The following ME1 variants were observed in gnomAD, a reference collection of about 807,000 sequenced individuals.
ME1 encodes NADP-dependent malic enzyme.
ME1 carries 74 observed loss-of-function variants against 66.4 expected under a neutral mutation model. The observed-to-expected ratio is 1.11, with a 90% CI of 0.92 to 1.35. ME1 has a LOEUF of 1.35. ME1 is among the 40% of genes most tolerant of loss of function. The probability of loss-of-function intolerance (pLI) is 0.00; values close to 1 mark genes in which losing one functional copy is unlikely to be tolerated. For missense variants in ME1, 750 were observed against 694.1 expected (o/e 1.08, Z -0.90); for synonymous variants, 251 against 235.6 (o/e 1.07, Z -0.60).
intron 6 of ME1, among the ~76,000 whole-genome samples, chr6:83,299,151 T>C (rs551716188): frequency 6.6e-6 from 1 of 152,010 alleles, no homozygotes; most frequent in South Asian, 2.1e-4. Flanking sequence ...AATGGTAGTT[T>C]AATGGAAATA....
At chr6:83,372,824 T>TA (rs1769215388) in intron 3 of ME1, among the ~76,000 whole-genome samples, 1 of 152,220 alleles carries the variant, frequency 6.6e-6, no homozygotes, top group Admixed American at 6.5e-5. Flanking sequence ...AAAAGAACCA[T>TA]ATGTTGAAAA....
intron 1 of ME1, among the ~76,000 whole-genome samples, chr6:83,421,702 T>C (rs935157154): frequency 1.3e-5 from 2 of 152,306 alleles, no homozygotes; most frequent in Non-Finnish European, 1.5e-5. Flanking sequence ...AGAAGCCTTA[T>C]CTTTCTGGTC....
At chr6:83,355,113 C>A (rs953425526) in intron 3 of ME1, among the ~76,000 whole-genome samples, 5 of 152,010 alleles carry the variant, frequency 3.3e-5, no homozygotes, top group Non-Finnish European at 7.4e-5. Flanking sequence ...GTATATATTT[C>A]TTTTGGATCC....
rs754296141 is a variant in ME1 at position 83,237,276 on chromosome 6, A to AAAGAAAGAAAGAAAGAAAGG, written c.1026+440_1026+441insCCTTTCTTTCTTTCTTTCTT. 4.1e-3 allele frequency among the ~76,000 whole-genome samples: 302 copies of AAAGAAAGAAAGAAAGAAAGG among 73,644 alleles called. 26 individuals carry two copies. The highest frequency in any genetic ancestry group is 0.011 in the African/African-American group (187 of 16,856). The allele number at this position is 73,644 out of a possible 152,430, so 48.3% of individuals were successfully genotyped here. On this transcript the variant is annotated intron_variant, in intron 9 of 13. Coordinates refer to ENST00000369705, the MANE Select transcript of ME1 (RefSeq NM_002395.6). ...GAAAGAAAGAAAGAAAGAAAGAAAGAAAGGAAGGAAGGAAGGAAAGAAAGA... is the reference window on the plus strand; with the variant it reads ...GAAAGAAAGAAAGAAAGAAAGAAAGAAAGAAAGAAAGAAAGAAAGGAAGGAAGGAAGGAAGGAAAGAAAGA...
At chr6:83,293,289 C>T (rs967276194) in intron 6 of ME1, among the ~76,000 whole-genome samples, 5 of 152,134 alleles carry the variant, frequency 3.3e-5, no homozygotes, top group Non-Finnish European at 5.9e-5. Context: ...TGACCTCCAT[C>T]ATAATCATTT....
intron 3 of ME1, among the ~76,000 whole-genome samples, chr6:83,375,447 TC>T (rs1258038478): frequency 1.3e-5 from 2 of 152,332 alleles, no homozygotes; most frequent in Admixed American, 6.5e-5. Flanking sequence ...TGATTTGGTA[TC>T]CTGAGACTTT....
intron 9 of ME1, among the ~76,000 whole-genome samples, chr6:83,233,725 A>T (rs904872568): frequency 2.0e-5 from 3 of 151,580 alleles, no homozygotes; most frequent in African/African-American, 4.8e-5. Flanking sequence ...AAGTTAATAA[A>T]ATTAATAAAA....
chr6:83,378,833 C>T (rs1367297132), intron 3 of ME1, among the ~76,000 whole-genome samples: 2 of 151,998 alleles, frequency 1.3e-5, no homozygotes, highest in Non-Finnish European at 2.9e-5. Flanking sequence ...GGAATTCTTC[C>T]TACCATAGTC....
intron 3 of ME1, among the ~76,000 whole-genome samples, 169 bp downstream of exon 3, chr6:83,398,198 A>T (rs917967925): frequency 6.6e-6 from 1 of 152,216 alleles, no homozygotes; most frequent in African/African-American, 2.4e-5. Context: ...AATTAGCTTG[A>T]TTCTACCATT....
intron 7 of ME1, among the ~76,000 whole-genome samples, chr6:83,250,882 C>T (rs1420987501): frequency 6.6e-6 from 1 of 152,174 alleles, no homozygotes; most frequent in African/African-American, 2.4e-5. Context: ...GGCTTGTGTG[C>T]CATTCAGTGT....
chr6:83,258,046 A>C (rs752346485), intron 6 of ME1, among the ~76,000 whole-genome samples: 1 of 152,140 alleles, frequency 6.6e-6, no homozygotes, highest in African/African-American at 2.4e-5. Flanking sequence ...GCTTGTTAGA[A>C]TTTCTCTGTG....
intron 9 of ME1, among the ~76,000 whole-genome samples, chr6:83,229,555 G>A (rs1014197383): frequency 6.6e-6 from 1 of 152,096 alleles, no homozygotes; most frequent in African/African-American, 2.4e-5. Flanking sequence ...TGACTTACAA[G>A]TTGTTTTCAC....
chr6:83,354,060 A>G (rs1366495964), intron 3 of ME1, among the ~76,000 whole-genome samples: 2 of 151,926 alleles, frequency 1.3e-5, no homozygotes, highest in African/African-American at 2.4e-5. Context: ...CTTAATGTTG[A>G]ACTGTTTCAG....
intron 1 of ME1, among the ~76,000 whole-genome samples, chr6:83,412,863 G>T (rs1770078801): frequency 6.6e-6 from 1 of 152,154 alleles, no homozygotes; most frequent in South Asian, 2.1e-4. Context: ...GGAGCAAAAA[G>T]AAAATGTTTT....
chr6:83,416,701 C>A (rs3778199), intron 1 of ME1, among the ~76,000 whole-genome samples: 48,141 of 151,642 alleles, frequency 0.32, 8,000 homozygotes, highest in Middle Eastern at 0.49. Context: ...CCAGCCTGGG[C>A]AACATAGTGA....
chr6:83,352,840 C>T (rs1256150013), intron 3 of ME1, among the ~76,000 whole-genome samples: 3 of 152,144 alleles, frequency 2.0e-5, no homozygotes, highest in Admixed American at 6.5e-5. Flanking sequence ...TTAAATGTGA[C>T]TCACATACAG....
Position 83,302,237 on chromosome 6 carries a change from T to TC in ME1, c.704+13072_704+13073insG, listed in dbSNP as rs1767737974. ...ATTACCACATGTTCTCACTTATAAG[T>TC]GAAACCTAAATAATAAGAACATGTG... On this transcript the variant is annotated intron_variant, in intron 6 of 13. Transcript: ENST00000369705. Among the ~76,000 whole-genome samples the TC allele has an allele frequency of 5.9e-5, 9 of 152,018 alleles. No homozygotes were observed. The East Asian group carries it at 1.2e-3, about 20-fold the overall frequency.
At chr6:83,251,974 T>G (rs926919691) in intron 7 of ME1, among the ~76,000 whole-genome samples, 1 of 152,110 alleles carries the variant, frequency 6.6e-6, no homozygotes, top group East Asian at 1.9e-4. Context: ...GCAGAAAACA[T>G]ATAAGAAGGG....
chr6:83,230,135 T>TTTGTTGTTGTTG (rs371189967), intron 9 of ME1, among the ~76,000 whole-genome samples: 1 of 151,698 alleles, frequency 6.6e-6, no homozygotes, highest in Non-Finnish European at 1.5e-5. Context: ...TCTGTTTTTT[T>TTTGTTGTTGTTG]TTGTTGTTGT....
Sources: gnomAD v4.1 joint callset for allele counts (sites outside exome capture counted in the v4.1 genomes callset) on GRCh38, gnomAD v4.1.1 for gene constraint, MANE v1.5 for transcripts, NCBI Gene and HGNC (gene_info 2026-07-23, HGNC 2026-07-21) for gene names.